GNAL: variants seen among roughly 807,000 people sequenced by gnomAD.
GNAL encodes G protein subunit alpha L.
Under a neutral mutation model 55.1 loss-of-function variants are expected in GNAL, and 18 were observed. That is an observed-to-expected ratio of 0.33 (90% CI 0.23 to 0.48). GNAL has a LOEUF of 0.48. GNAL is among the 20% of genes least tolerant of loss of function. The probability of loss-of-function intolerance (pLI) is 0.99; values close to 1 mark genes in which losing one functional copy is unlikely to be tolerated. For synonymous variants in GNAL, 253 were observed against 237.0 expected (o/e 1.07, Z -0.62); for missense variants, 412 against 614.1 (o/e 0.67, Z 3.48).
In GNAL at chr18:11,689,745, C is replaced by T. The variant is rs755250899; in HGVS notation, c.182C>T (p.Pro61Leu). 2 of 1,506,800 alleles carry T rather than the reference C, an allele frequency of 1.3e-6. No individual in the cohort carries two copies. The highest frequency in any genetic ancestry group is 1.8e-6 in the Non-Finnish European group (2 of 1,131,460). The allele number at this position is 1,506,800 out of a possible 1,614,324, so 93.3% of individuals were successfully genotyped here. ...TLLPRGGEGS[P>L]ACARPKADKP... ...CTCCCTCGGGGCGGCGAAGGGAGCC[C>T]GGCATGCGCTCGGCCCAAAGCAGAC... The change falls in exon 1 of 12, where the codon CCG becomes CTG. Residue 61 changes from proline to leucine, a missense_variant. Around this residue, in one of 5 missense-constraint regions of GNAL, gnomAD observed 228 missense variants for 194.8 expected, o/e 1.17. Transcript: ENST00000334049.
At position 11,689,405 on chromosome 18, in the gene GNAL, T is replaced by C. The variant is rs2031161552; in HGVS notation, c.-159T>C. On this transcript the variant is annotated 5_prime_UTR_variant, in exon 1 of 12. Coordinates refer to ENST00000334049, the MANE Select transcript of GNAL (RefSeq NM_182978.4). ...TCGGCCCCGGCCTGCCGCACCCCCTTCCCGCAGCTGGCGGCCGGCAGCGCC... is the reference window on the plus strand; with the variant it reads ...TCGGCCCCGGCCTGCCGCACCCCCTCCCCGCAGCTGGCGGCCGGCAGCGCC... The C allele has an allele frequency of 2.8e-6, 1 of 361,898 alleles. No individual in the cohort carries two copies. The highest frequency in any genetic ancestry group is 4.9e-6 in the Non-Finnish European group (1 of 203,994). The allele number at this position is 361,898 out of a possible 1,614,324, so 22.4% of individuals were successfully genotyped here. A position where few individuals can be genotyped will look rare whatever the true frequency, so the allele number is the denominator to read the frequency against.
At chr18:11,857,390 G>A in intron 5 of GNAL, 1 of 650,236 alleles carries the variant, frequency 1.5e-6, no homozygotes, top group Non-Finnish European at 1.9e-6. Context: ...GATCTGAGAG[G>A]CCAAAAACTA....
At chr18:11,767,335 G>A (rs1270305717) in intron 4 of GNAL, among the ~76,000 whole-genome samples, 1 of 151,148 alleles carries the variant, frequency 6.6e-6, no homozygotes, top group Non-Finnish European at 1.5e-5. Flanking sequence ...CTTACTCTGT[G>A]TGCACCCTTA....
intron 5 of GNAL, among the ~76,000 whole-genome samples, chr18:11,843,566 GAAAT>G (rs2035665524): frequency 1.3e-5 from 2 of 151,866 alleles, no homozygotes; most frequent in African/African-American, 4.8e-5. Flanking sequence ...AAAAAGGAAA[GAAAT>G]AAAGAGATGT....
chr18:11,783,426 G>A (rs1415839877), intron 4 of GNAL, among the ~76,000 whole-genome samples: 1 of 152,166 alleles, frequency 6.6e-6, no homozygotes, highest in Non-Finnish European at 1.5e-5. Context: ...CTCTATATTA[G>A]CTAATCGGAA....
At chr18:11,842,831 C>G (rs1350662221) in intron 5 of GNAL, among the ~76,000 whole-genome samples, 3 of 152,130 alleles carry the variant, frequency 2.0e-5, no homozygotes, top group Non-Finnish European at 4.4e-5. Flanking sequence ...TGACTTAGTT[C>G]ATACTCATTG....
At chr18:11,753,451 A>G (rs2032930400) in intron 2 of GNAL, 177 bp from the exon 3 acceptor site, 2 of 554,058 alleles carry the variant, frequency 3.6e-6, no homozygotes, top group East Asian at 5.9e-5. Context: ...CAAATTAGAA[A>G]AGAAGGGTGC....
In GNAL at chr18:11,689,982, G is replaced by C; in HGVS notation, c.376+43G>C. 2.6e-6 allele frequency: 3 copies of C among 1,152,992 alleles called. No individual in the cohort carries two copies. In the East Asian group the frequency reaches 9.8e-5, roughly 38 times the overall value. The allele number at this position is 1,152,992 out of a possible 1,614,324, so 71.4% of individuals were successfully genotyped here. Reference sequence around the variant, plus strand: ...GGTCGGCTGACGCCCCGGGGACAGCGCGCCGGGCCCGCGGGGGCGGCGGGC... The same window carrying C: ...GGTCGGCTGACGCCCCGGGGACAGCCCGCCGGGCCCGCGGGGGCGGCGGGC... On this transcript the variant is annotated intron_variant, in intron 1 of 11. Coordinates refer to ENST00000334049, the MANE Select transcript of GNAL (RefSeq NM_182978.4).
chr18:11,870,553 A>AAAAT (rs140919851), intron 9 of GNAL, among the ~76,000 whole-genome samples: 34,505 of 151,742 alleles, frequency 0.23, 4,074 homozygotes, highest in African/African-American at 0.29. Flanking sequence ...TTTAATTTTG[A>AAAAT]AAATAAATAA....
At chr18:11,834,580 G>A (rs1218217952) in intron 5 of GNAL, among the ~76,000 whole-genome samples, 2 of 152,034 alleles carry the variant, frequency 1.3e-5, no homozygotes, top group Non-Finnish European at 2.9e-5. Context: ...TAGCTAAGTG[G>A]GGTGGTGTGT....
intron 1 of GNAL, among the ~76,000 whole-genome samples, chr18:11,750,635 G>T (rs1434061394): frequency 6.6e-6 from 1 of 152,076 alleles, no homozygotes; most frequent in Non-Finnish European, 1.5e-5. Context: ...TTGGCCCCTG[G>T]GGGGCCCTAG....
intron 1 of GNAL, among the ~76,000 whole-genome samples, chr18:11,710,204 T>A (rs947994745): frequency 1.3e-5 from 2 of 152,172 alleles, no homozygotes; most frequent in Non-Finnish European, 2.9e-5. Flanking sequence ...TATTAAGGAT[T>A]TTTGCTTCTG....
At chr18:11,788,936 T>TATAC (rs1219351502) in intron 4 of GNAL, among the ~76,000 whole-genome samples, 115 of 128,882 alleles carry the variant, frequency 8.9e-4, no homozygotes, top group Non-Finnish European at 1.3e-3. Context: ...TATATATATA[T>TATAC]ACACATATAT....
chr18:11,703,669 C>T (rs28483942), intron 1 of GNAL, among the ~76,000 whole-genome samples: 4,649 of 152,240 alleles, frequency 0.031, 223 homozygotes, highest in African/African-American at 0.099. Flanking sequence ...GAGGACGATA[C>T]TTAACTTTCA....
At chr18:11,700,373 A>G (rs1195820948) in intron 1 of GNAL, among the ~76,000 whole-genome samples, 1 of 152,228 alleles carries the variant, frequency 6.6e-6, no homozygotes, top group Non-Finnish European at 1.5e-5. Context: ...TTAGCACCTG[A>G]CGGGAGGGGC....
intron 4 of GNAL, among the ~76,000 whole-genome samples, chr18:11,792,482 A>G (rs976529312): frequency 6.6e-6 from 1 of 152,158 alleles, no homozygotes; most frequent in Admixed American, 6.5e-5. Flanking sequence ...CACTGCACCC[A>G]GCTTGTCTTG....
intron 1 of GNAL, among the ~76,000 whole-genome samples, chr18:11,703,795 GCACACACACACACACACA>G (rs35455680): frequency 7.1e-6 from 1 of 141,496 alleles, no homozygotes; most frequent in East Asian, 2.1e-4. Flanking sequence ...GTGTTGATGG[GCACACACACACACACACA>G]CACACACACA....
chr18:11,847,758 C>A (rs945751729), intron 5 of GNAL, among the ~76,000 whole-genome samples: 4 of 152,088 alleles, frequency 2.6e-5, no homozygotes, highest in Non-Finnish European at 1.5e-5. Flanking sequence ...TGTATTGGGT[C>A]CAAAACATTT....
intron 4 of GNAL, among the ~76,000 whole-genome samples, chr18:11,771,709 AT>A (rs2033640311): frequency 6.6e-6 from 1 of 151,620 alleles, no homozygotes; most frequent in African/African-American, 2.4e-5. Context: ...CTGTGTGCAA[AT>A]TTTTTTGTTG....
Sources: allele counts gnomAD v4.1 joint callset (sites outside exome capture counted in the v4.1 genomes callset), GRCh38; gene constraint gnomAD v4.1.1; regional missense constraint gnomAD v4.1.1; transcripts MANE v1.5; gene names NCBI Gene and HGNC (gene_info 2026-07-23, HGNC 2026-07-21).